Variants in TNIK observed in about 807,000 individuals in gnomAD.
The protein encoded by TNIK is TRAF2 and NCK interacting kinase.
Under a neutral mutation model 191.3 loss-of-function variants are expected in TNIK, and 49 were observed. The observed-to-expected ratio is 0.26, with a 90% CI of 0.20 to 0.32. TNIK has a LOEUF of 0.32. Ranked by LOEUF, TNIK falls within the 10% of genes least tolerant of loss-of-function variation. The probability of loss-of-function intolerance (pLI) is 1.00; values close to 1 mark genes in which losing one functional copy is unlikely to be tolerated. For missense variants in TNIK, 1,155 were observed against 1,702.3 expected (o/e 0.68, Z 5.66); for synonymous variants, 594 against 600.9 (o/e 0.99, Z 0.17).
chr3:171,411,781 A>G (rs1722461385), intron 1 of TNIK, among the ~76,000 whole-genome samples: 1 of 152,252 alleles, frequency 6.6e-6, no homozygotes, highest in South Asian at 2.1e-4. Flanking sequence ...CAAGGAAGAC[A>G]TAGCTCCCGG....
intron 1 of TNIK, among the ~76,000 whole-genome samples, chr3:171,414,205 G>A (rs1234312636): frequency 6.6e-6 from 1 of 152,188 alleles, no homozygotes; most frequent in African/African-American, 2.4e-5. Context: ...AGATTCCCCA[G>A]ATAGGGTCTC....
intron 12 of TNIK, among the ~76,000 whole-genome samples, chr3:171,149,104 C>A (rs1010248214): frequency 3.9e-5 from 6 of 152,170 alleles, no homozygotes. Flanking sequence ...AATAAGATTT[C>A]ATGTGAAACT....
intron 1 of TNIK, among the ~76,000 whole-genome samples, chr3:171,437,501 C>T (rs1269900544): frequency 1.3e-5 from 2 of 152,338 alleles, no homozygotes; most frequent in Admixed American, 6.5e-5. Context: ...CCTGTGCCTC[C>T]AAGACCTATG....
At chr3:171,438,623 A>T (rs1288957047) in intron 1 of TNIK, among the ~76,000 whole-genome samples, 1 of 152,260 alleles carries the variant, frequency 6.6e-6, no homozygotes, top group Non-Finnish European at 1.5e-5. Context: ...AGCAAAACAG[A>T]GATGCAGGTG....
At chr3:171,320,972 T>C (rs941532566) in intron 2 of TNIK, among the ~76,000 whole-genome samples, 12 of 152,174 alleles carry the variant, frequency 7.9e-5, no homozygotes, top group Admixed American at 2.0e-4. Context: ...ACTCCAACCT[T>C]AGGCCTTTGC....
intron 10 of TNIK, among the ~76,000 whole-genome samples, chr3:171,166,662 A>G (rs1734654432): frequency 6.6e-6 from 1 of 152,220 alleles, no homozygotes; most frequent in Non-Finnish European, 1.5e-5. Context: ...TAAATAACAG[A>G]ATTAGAAATG....
chr3:171,114,021 G>A (rs1726300644), intron 18 of TNIK, among the ~76,000 whole-genome samples: 4 of 145,854 alleles, frequency 2.7e-5, no homozygotes, highest in Non-Finnish European at 1.5e-5. Context: ...AAAAAAAGCA[G>A]CATTCTCAAG....
chr3:171,291,300 T>C (rs1479339897), intron 2 of TNIK, among the ~76,000 whole-genome samples: 1 of 152,218 alleles, frequency 6.6e-6, no homozygotes, highest in East Asian at 1.9e-4. Context: ...AAATATTTTT[T>C]ATTTACACAG....
chr3:171,181,482 T>C (rs1736638932), intron 7 of TNIK, among the ~76,000 whole-genome samples: 1 of 152,192 alleles, frequency 6.6e-6, no homozygotes, highest in African/African-American at 2.4e-5. Flanking sequence ...TTTCAGAGTA[T>C]AGCAAAGCCA....
intron 2 of TNIK, among the ~76,000 whole-genome samples, chr3:171,236,487 G>A (rs1744284934): frequency 6.6e-6 from 1 of 152,170 alleles, no homozygotes; most frequent in Non-Finnish European, 1.5e-5. Flanking sequence ...TTAGCATTCT[G>A]CATGTCATAA....
intron 7 of TNIK, among the ~76,000 whole-genome samples, chr3:171,183,465 T>A (rs752070354): frequency 6.6e-6 from 1 of 152,094 alleles, no homozygotes; most frequent in African/African-American, 2.4e-5. Flanking sequence ...ATGTTCCAGG[T>A]GGGAAAAAGA....
chr3:171,153,360 T>C (rs1472935265), intron 12 of TNIK, among the ~76,000 whole-genome samples: 1 of 152,176 alleles, frequency 6.6e-6, no homozygotes, highest in Non-Finnish European at 1.5e-5. Context: ...CTATTTTTCT[T>C]ATTTTTGACC....
intron 4 of TNIK, among the ~76,000 whole-genome samples, chr3:171,210,839 T>C (rs1167838507): frequency 7.6e-6 from 1 of 131,994 alleles, no homozygotes; most frequent in Non-Finnish European, 1.6e-5. Context: ...CAATAAAAGG[T>C]TGTCAATTAG....
intron 11 of TNIK, among the ~76,000 whole-genome samples, chr3:171,160,739 G>A (rs1399405049): frequency 1.3e-5 from 2 of 152,076 alleles, no homozygotes; most frequent in Non-Finnish European, 2.9e-5. Flanking sequence ...GGTGACAACA[G>A]GAATGGCCCA....
At chr3:171,347,902 A>G (rs931982794) in intron 2 of TNIK, among the ~76,000 whole-genome samples, 1 of 152,168 alleles carries the variant, frequency 6.6e-6, no homozygotes, top group African/African-American at 2.4e-5. Context: ...TAGCTAAGAG[A>G]GTGTAAATCA....
intron 24 of TNIK, 51 bp downstream of exon 24, chr3:171,087,291 A>G (rs1036152787): frequency 6.2e-7 from 1 of 1,606,778 alleles, no homozygotes; most frequent in Non-Finnish European, 8.5e-7. Flanking sequence ...TGGTTTTAGA[A>G]CCCCAGGAAG....
chr3:171,310,547 T>C (rs568659145), intron 2 of TNIK, among the ~76,000 whole-genome samples: 17 of 152,208 alleles, frequency 1.1e-4, no homozygotes, highest in Non-Finnish European at 1.8e-4. Flanking sequence ...AGCTACAAGA[T>C]ACTTCATACA....
chr3:171,244,102 C>T (rs1334163840), intron 2 of TNIK, among the ~76,000 whole-genome samples: 1 of 150,636 alleles, frequency 6.6e-6, no homozygotes, highest in Admixed American at 6.6e-5. Context: ...GCTCTGTCGC[C>T]CGCCGGGGTG....
At chr3:171,365,005 G>T (rs1027586619) in intron 2 of TNIK, among the ~76,000 whole-genome samples, 1 of 151,836 alleles carries the variant, frequency 6.6e-6, no homozygotes, top group Admixed American at 6.6e-5. Context: ...AGAATAGTTC[G>T]TGGGGATAAT....
Sources: allele counts gnomAD v4.1 joint callset (sites outside exome capture counted in the v4.1 genomes callset), GRCh38; gene constraint gnomAD v4.1.1; transcripts MANE v1.5; gene names NCBI Gene and HGNC (gene_info 2026-07-23, HGNC 2026-07-21).